The following PPEF1 variants were observed in gnomAD, a reference collection of about 807,000 sequenced individuals.
The protein encoded by PPEF1 is protein phosphatase with EF-hand domain 1.
In PPEF1, 12 loss-of-function variants were observed where a neutral mutation model predicts 53.3. The ratio of observed to expected loss-of-function variants is 0.23; its 90% confidence interval spans 0.14 to 0.36. The LOEUF (loss-of-function observed/expected upper bound fraction) is 0.36. PPEF1 is among the 10% of genes least tolerant of loss of function. The probability of loss-of-function intolerance (pLI) is 1.00; values close to 1 mark genes in which losing one functional copy is unlikely to be tolerated. For missense variants in PPEF1, 334 were observed against 490.4 expected (o/e 0.68, Z 3.01); for synonymous variants, 165 against 176.7 (o/e 0.93, Z 0.52).
intron 1 of PPEF1, among the ~76,000 whole-genome samples, chrX:18,725,900 CTA>C (rs1323125992): frequency 2.7e-5 from 3 of 110,807 alleles, no homozygotes; most frequent in African/African-American, 9.9e-5. Flanking sequence ...GTATTGTGTG[CTA>C]TATACAAAAC....
At chrX:18,756,173 C>G (rs1238331776) in intron 4 of PPEF1, among the ~76,000 whole-genome samples, 1 of 110,654 alleles carries the variant, frequency 9.0e-6, no homozygotes, top group Non-Finnish European at 1.9e-5. Flanking sequence ...ACGTGTTTCT[C>G]CATTTTAATA....
intron 12 of PPEF1, among the ~76,000 whole-genome samples, chrX:18,815,284 A>G (rs921072070): frequency 9.0e-6 from 1 of 111,250 alleles, no homozygotes; most frequent in East Asian, 2.8e-4. Flanking sequence ...ATCTATATTC[A>G]TAAGAGATAC....
At chrX:18,690,441 G>A (rs1282823546) in intron 3 of PPEF1, among the ~76,000 whole-genome samples, 1 of 103,162 alleles carries the variant, frequency 9.7e-6, no homozygotes, top group East Asian at 3.1e-4. Flanking sequence ...CAGTGGCACT[G>A]TCTCAGCTCA....
chrX:18,752,502 A>G (rs1197119835), intron 4 of PPEF1, among the ~76,000 whole-genome samples: 1 of 110,663 alleles, frequency 9.0e-6, no homozygotes, highest in African/African-American at 3.3e-5. Context: ...TTCTTGCTCA[A>G]TTGCTCTGGC....
intron 4 of PPEF1, among the ~76,000 whole-genome samples, chrX:18,693,993 C>T (rs1410664985): frequency 8.9e-6 from 1 of 111,842 alleles, no homozygotes; most frequent in African/African-American, 3.3e-5. Flanking sequence ...CACCCATAAA[C>T]CCCTGGTAAC....
chrX:18,788,517 G>A (rs1410673270), intron 9 of PPEF1, among the ~76,000 whole-genome samples: 2 of 110,543 alleles, frequency 1.8e-5, no homozygotes, highest in Admixed American at 9.8e-5. Flanking sequence ...TCAGAAAGAC[G>A]TTTTGTTTTC....
At chrX:18,685,842 A>C (rs1457006336) in intron 2 of PPEF1, among the ~76,000 whole-genome samples, 1 of 111,737 alleles carries the variant, frequency 8.9e-6, no homozygotes, top group Admixed American at 9.5e-5. Flanking sequence ...CCTGGATACA[A>C]ATTTATTCTT....
chrX:18,701,003 A>C (rs1297554077), intron 6 of PPEF1, among the ~76,000 whole-genome samples: 1 of 112,126 alleles, frequency 8.9e-6, no homozygotes, highest in Non-Finnish European at 1.9e-5. Flanking sequence ...AAACAGAGCG[A>C]GTCTTCAGTT....
At chrX:18,778,880 AGATTTTTCCC>A in intron 6 of PPEF1, 120 bp from the exon 7 acceptor site, 2 of 673,555 alleles carry the variant, frequency 3.0e-6, no homozygotes, top group Non-Finnish European at 4.3e-6. Flanking sequence ...GCGAGAGAGC[AGATTTTTCCC>A]GGTGGAAGAA....
At chrX:18,821,796 AGAG>A (rs2047062165) in intron 13 of PPEF1, among the ~76,000 whole-genome samples, 1 of 18,758 alleles carries the variant, frequency 5.3e-5, no homozygotes, top group African/African-American at 2.9e-4. Context: ...AGAGAGAGAG[AGAG>A]AGAGAAAACA....
intron 1 of PPEF1, among the ~76,000 whole-genome samples, chrX:18,711,729 A>G (rs1392034904): frequency 9.3e-6 from 1 of 108,085 alleles, no homozygotes; most frequent in Non-Finnish European, 1.9e-5. Context: ...TTCTTATGCC[A>G]GTACCAGTGT....
intron 1 of PPEF1, among the ~76,000 whole-genome samples, chrX:18,718,128 C>T (rs1002428457): frequency 3.6e-5 from 4 of 111,846 alleles, no homozygotes; most frequent in Non-Finnish European, 7.5e-5. Flanking sequence ...CAAACCCATC[C>T]CAACAACCTT....
intron 6 of PPEF1, among the ~76,000 whole-genome samples, chrX:18,767,549 A>C (rs2045801467): frequency 8.9e-6 from 1 of 112,268 alleles, no homozygotes; most frequent in African/African-American, 3.2e-5. Flanking sequence ...CATCTGAAAA[A>C]AATAAGAAGA....
chrX:18,739,574 C>T (rs147862780), intron 3 of PPEF1, among the ~76,000 whole-genome samples: 1,819 of 112,092 alleles, frequency 0.016, 33 homozygotes, highest in African/African-American at 0.055. Flanking sequence ...TTAGGCTACT[C>T]GGGGGTCAGG....
intron 4 of PPEF1, among the ~76,000 whole-genome samples, chrX:18,756,747 A>T (rs1397861648): frequency 8.9e-6 from 1 of 112,706 alleles, no homozygotes; most frequent in Non-Finnish European, 1.9e-5. Flanking sequence ...TATTTTCATA[A>T]TAATTTTCTG....
intron 9 of PPEF1, among the ~76,000 whole-genome samples, chrX:18,784,607 G>A (rs189749758): frequency 1.8e-5 from 2 of 110,256 alleles, no homozygotes; most frequent in African/African-American, 6.6e-5. Context: ...TTCTGTCTAC[G>A]AATTTCACCA....
intron 6 of PPEF1, among the ~76,000 whole-genome samples, chrX:18,777,433 A>G (rs1386179366): frequency 8.8e-6 from 1 of 113,053 alleles, no homozygotes; most frequent in African/African-American, 3.2e-5. Flanking sequence ...AAATCATTTG[A>G]AAAAGATTAA....
At chrX:18,757,277 T>C (rs1239780940) in intron 4 of PPEF1, among the ~76,000 whole-genome samples, 1 of 111,116 alleles carries the variant, frequency 9.0e-6, no homozygotes, top group African/African-American at 3.3e-5. Context: ...TTTTGGAGTA[T>C]GTATTTATAA....
In PPEF1 at chrX:18,804,038, A is replaced by C. The variant is rs768270637; in HGVS notation, c.1212A>C (p.Glu404Asp). The C allele has an allele frequency of 3.3e-6, 4 of 1,205,118 alleles. No individual in the cohort carries two copies. The highest frequency in any genetic ancestry group is 3.4e-6 in the Non-Finnish European group (3 of 891,148). The change falls in exon 11 of 16, where the codon GAA (glutamate) becomes GAC (aspartate). Residue 404 changes from glutamate to aspartate, a missense_variant. Physicochemically the swap from Glu to Asp is conservative, Grantham distance 45. Coordinates refer to ENST00000470157, the MANE Select transcript of PPEF1 (RefSeq NM_001377996.1). Reference sequence around the variant, plus strand: ...TGAAGATGCTCATCAGGTCTCATGAATGTAAGCCCGAAGGGTATGAAATCT... The same window carrying C: ...TGAAGATGCTCATCAGGTCTCATGACTGTAAGCCCGAAGGGTATGAAATCT... ...YQLKMLIRSH[E>D]CKPEGYEICH... is the part of the protein sequence containing the mutation.
Sources: allele counts gnomAD v4.1 joint callset (sites outside exome capture counted in the v4.1 genomes callset), GRCh38; gene constraint gnomAD v4.1.1; transcripts MANE v1.5; gene names NCBI Gene and HGNC (gene_info 2026-07-23, HGNC 2026-07-21).